Variants in TCAIM observed in about 807,000 individuals in gnomAD.
TCAIM encodes T cell activation inhibitor, mitochondrial, also known as T-cell activation inhibitor, mitochondrial.
In TCAIM, 36 loss-of-function variants were observed where a neutral mutation model predicts 58.6. The observed-to-expected ratio is 0.61, with a 90% CI of 0.47 to 0.81. The LOEUF is 0.81. TCAIM is among the 30% of genes least tolerant of loss of function. The pLI is 0.00. For synonymous variants in TCAIM, 172 were observed against 193.6 expected, an observed-to-expected ratio of 0.89 and a Z score of 0.93; for missense variants, 466 against 579.6, an observed-to-expected ratio of 0.80 and a Z score of 2.01.
At chr3:44,397,377 GT>G (rs1245833004) in intron 8 of TCAIM, among the ~76,000 whole-genome samples, 2 of 152,196 alleles carry the variant, frequency 1.3e-5, no homozygotes, top group Admixed American at 1.3e-4. Flanking sequence ...TTTTTCATAA[GT>G]GGAATCATAG....
intron 9 of TCAIM, 29 bp downstream of exon 9, chr3:44,400,616 T>C (rs770411112): frequency 6.4e-7 from 1 of 1,559,980 alleles, no homozygotes; most frequent in Non-Finnish European, 8.8e-7. Flanking sequence ...AGGATTACTT[T>C]TATTCCTTCG....
upstream of TCAIM, chr3:44,338,376 A>T (rs543547107): frequency 6.6e-6 from 1 of 152,410 alleles, no homozygotes; most frequent in Non-Finnish European, 1.5e-5. Context: ...AGCAGTTACC[A>T]GGGTGCTGAC....
intron 6 of TCAIM, among the ~76,000 whole-genome samples, chr3:44,395,893 A>G (rs1046646140): frequency 2.0e-5 from 3 of 152,212 alleles, no homozygotes; most frequent in Non-Finnish European, 2.9e-5. Context: ...AGGCTGAGGT[A>G]GGAGGATCTC....
intron 5 of TCAIM, among the ~76,000 whole-genome samples, chr3:44,391,760 G>GAATA (rs1368541209): frequency 1.3e-5 from 2 of 152,200 alleles, no homozygotes; most frequent in South Asian, 2.1e-4. Context: ...AGGGATGAGG[G>GAATA]AATAAGCATT....
chr3:44,383,974 C>T (rs1559576913), intron 5 of TCAIM, among the ~76,000 whole-genome samples: 2 of 151,966 alleles, frequency 1.3e-5, no homozygotes, highest in Non-Finnish European at 2.9e-5. Context: ...TTAGTATTTA[C>T]TTGTTTATAG....
chr3:44,355,798 G>C (rs1701179560), intron 2 of TCAIM, among the ~76,000 whole-genome samples: 1 of 152,176 alleles, frequency 6.6e-6, no homozygotes. Context: ...TCTGTAACCA[G>C]GCTGAATTTA....
intron 5 of TCAIM, among the ~76,000 whole-genome samples, chr3:44,387,296 C>A (rs1450142157): frequency 6.6e-6 from 1 of 152,224 alleles, no homozygotes; most frequent in Non-Finnish European, 1.5e-5. Flanking sequence ...CTCCGACTTG[C>A]TCACCCTCCA....
chr3:44,343,584 T>C (rs1026312347), intron 1 of TCAIM, among the ~76,000 whole-genome samples: 1 of 152,234 alleles, frequency 6.6e-6, no homozygotes, highest in African/African-American at 2.4e-5. Context: ...AACACATCTC[T>C]ATTTAGACTA....
At chr3:44,377,342 C>G (rs11914634) in intron 5 of TCAIM, among the ~76,000 whole-genome samples, 1,728 of 152,220 alleles carry the variant, frequency 0.011, 30 homozygotes, top group African/African-American at 0.037. Flanking sequence ...AAATATTTAT[C>G]TACCTAATAC....
intron 10 of TCAIM, 28 bp downstream of exon 10, chr3:44,401,362 C>G (rs1188393613): frequency 6.2e-7 from 1 of 1,611,824 alleles, no homozygotes; most frequent in Non-Finnish European, 8.5e-7. Context: ...TCTGTAAAGT[C>G]AGATCATTCA....
intron 2 of TCAIM, among the ~76,000 whole-genome samples, chr3:44,356,182 C>G (rs190204596): frequency 2.2e-4 from 33 of 152,248 alleles, no homozygotes; most frequent in Middle Eastern, 3.4e-3. Context: ...CTTGTCACAC[C>G]TAATGTATGA....
At chr3:44,379,763 C>G (rs1178454055) in intron 5 of TCAIM, among the ~76,000 whole-genome samples, 1 of 152,084 alleles carries the variant, frequency 6.6e-6, no homozygotes, top group East Asian at 1.9e-4. Flanking sequence ...TTCTAACTAT[C>G]AGGTGCTACA....
intron 4 of TCAIM, chr3:44,362,745 T>C (rs1701313104): frequency 4.3e-6 from 1 of 233,442 alleles, no homozygotes; most frequent in African/African-American, 2.2e-5. Context: ...TTGATCACTC[T>C]AAGTGACACA....
At chr3:44,393,097 A>G (rs547112210) in intron 6 of TCAIM, 120 bp downstream of exon 6, 61 of 786,648 alleles carry the variant, frequency 7.8e-5, no homozygotes, top group South Asian at 6.5e-4. Flanking sequence ...GTACTCTTCA[A>G]TTATCTTTAT....
At chr3:44,354,705 C>A in intron 1 of TCAIM, 34 bp from the exon 2 acceptor site, 1 of 1,450,004 alleles carries the variant, frequency 6.9e-7, no homozygotes, top group East Asian at 2.3e-5. Context: ...TAAAATTCTA[C>A]TTGTTCATTT....
chr3:44,400,740 C>G, intron 9 of TCAIM, 153 bp downstream of exon 9: 1 of 658,540 alleles, frequency 1.5e-6, no homozygotes, highest in Non-Finnish European at 2.6e-6. Context: ...CTTCTACACA[C>G]TAGAAAAGCC....
intron 10 of TCAIM, among the ~76,000 whole-genome samples, 164 bp from the exon 11 acceptor site, chr3:44,407,278 G>A (rs942229500): frequency 2.0e-5 from 3 of 152,238 alleles, no homozygotes; most frequent in Admixed American, 6.5e-5. Flanking sequence ...GGCTATTGGC[G>A]TGTCTTCCAA....
chr3:44,358,212 T>C, intron 3 of TCAIM: 1 of 1,567,604 alleles, frequency 6.4e-7, no homozygotes, highest in South Asian at 1.2e-5. Flanking sequence ...TTTTTTTTTT[T>C]TAAGGATGAT....
chr3:44,348,426 G>A (rs1701017210), intron 1 of TCAIM, among the ~76,000 whole-genome samples: 1 of 152,242 alleles, frequency 6.6e-6, no homozygotes, highest in Admixed American at 6.5e-5. Context: ...CGGCCTAGGA[G>A]GAATCCTGGG....
Sources: allele counts gnomAD v4.1 joint callset (sites outside exome capture counted in the v4.1 genomes callset), GRCh38; gene constraint gnomAD v4.1.1; transcripts MANE v1.5; gene names NCBI Gene and HGNC (gene_info 2026-07-23, HGNC 2026-07-21).